THADA: variants seen among roughly 807,000 people sequenced by gnomAD.
THADA encodes THADA armadillo repeat containing, also known as tRNA (32-2'-O)-methyltransferase regulator THADA.
Under a neutral mutation model 219.8 loss-of-function variants are expected in THADA, and 213 were observed. The observed-to-expected ratio is 0.97, with a 90% CI of 0.87 to 1.09. THADA has a LOEUF of 1.09. Ranked by LOEUF, THADA falls within the 50% of genes least tolerant of loss-of-function variation. The pLI, the probability that THADA is intolerant of heterozygous loss-of-function variation, is 0.00. For missense variants in THADA, 2,956 were observed against 2,311.3 expected (o/e 1.28, Z -5.72); for synonymous variants, 1,018 against 828.9 (o/e 1.23, Z -3.92).
intron 26 of THADA, among the ~76,000 whole-genome samples, chr2:43,445,118 T>C (rs921389919): frequency 6.6e-6 from 1 of 152,122 alleles, no homozygotes; most frequent in African/African-American, 2.4e-5. Context: ...AGAAATCATC[T>C]AACGGCCTGT....
intron 36 of THADA, among the ~76,000 whole-genome samples, chr2:43,243,292 G>A (rs1169408555): frequency 1.3e-5 from 2 of 152,170 alleles, no homozygotes; most frequent in African/African-American, 2.4e-5. Context: ...ACATCTGCCC[G>A]TGTCTGGAGA....
rs757294125 is a variant in THADA, at chr2:43,574,878, A to G, written c.1187T>C (p.Val396Ala). ...CAATGGATGTTCCCAATGGGTATAG[A>G]CATATTCCAAAAGTCTCCCAACTAT... ...SSIVGRLLEY[V>A]YTHWEHPLDA... The change falls in exon 11 of 38, where the codon GTC (valine) becomes GCC (alanine). Residue 396 changes from valine (V) to alanine (A), a missense_variant. Coordinates refer to ENST00000405975, the MANE Select transcript of THADA (RefSeq NM_022065.5). The G allele has an allele frequency of 1.9e-5, 30 of 1,613,906 alleles. No individual in the cohort carries two copies. Among genetic ancestry groups the G allele is most frequent in the Non-Finnish European group, 2.4e-5 (28 of 1,179,914 alleles).
At chr2:43,329,975 T>A (rs903176093) in intron 30 of THADA, among the ~76,000 whole-genome samples, 2 of 152,182 alleles carry the variant, frequency 1.3e-5, no homozygotes, top group East Asian at 3.8e-4. Context: ...CCTCCCCTGG[T>A]CTCCTCTATT....
intron 26 of THADA, among the ~76,000 whole-genome samples, chr2:43,479,497 CACTCT>C (rs1417197055): frequency 2.0e-5 from 3 of 152,028 alleles, no homozygotes; most frequent in African/African-American, 7.2e-5. Context: ...CATAAGCACA[CACTCT>C]AGAGAAAGAG....
At chr2:43,509,801 G>A (rs189983135) in intron 22 of THADA, among the ~76,000 whole-genome samples, 1 of 152,014 alleles carries the variant, frequency 6.6e-6, no homozygotes, top group Non-Finnish European at 1.5e-5. Flanking sequence ...TTTGACATGG[G>A]CCTAAAAATA....
intron 36 of THADA, among the ~76,000 whole-genome samples, chr2:43,238,133 AAAAAAAAAAAAAAAAAAAAG>A (rs1668248050): frequency 6.9e-6 from 1 of 144,064 alleles, no homozygotes; most frequent in African/African-American, 2.5e-5. Context: ...AAAAAAAAAA[AAAAAAAAAAAAAAAAAAAAG>A]GAAGGAAAGA....
At chr2:43,396,557 T>C (rs1258628276) in intron 29 of THADA, among the ~76,000 whole-genome samples, 2 of 152,076 alleles carry the variant, frequency 1.3e-5, no homozygotes, top group African/African-American at 4.8e-5. Context: ...TCCCAGCACT[T>C]TGGGAGGCTG....
intron 28 of THADA, among the ~76,000 whole-genome samples, chr2:43,404,200 A>G (rs1675241181): frequency 6.6e-6 from 1 of 151,586 alleles, no homozygotes; most frequent in South Asian, 2.1e-4. Context: ...AAGGTATTAC[A>G]TTTTTGTTTA....
chr2:43,524,967 T>C (rs1377065319), intron 22 of THADA, among the ~76,000 whole-genome samples: 1 of 152,226 alleles, frequency 6.6e-6, no homozygotes, highest in Non-Finnish European at 1.5e-5. Context: ...GACTGCAATC[T>C]TACTATGATA....
chr2:43,338,022 A>G (rs144265319), intron 30 of THADA, among the ~76,000 whole-genome samples: 62 of 152,304 alleles, frequency 4.1e-4, no homozygotes, highest in African/African-American at 1.4e-3. Flanking sequence ...TTTCTTTTAA[A>G]TATTTTCCAT....
chr2:43,338,818 T>C (rs1666766251), intron 30 of THADA, among the ~76,000 whole-genome samples: 1 of 152,200 alleles, frequency 6.6e-6, no homozygotes, highest in African/African-American at 2.4e-5. Context: ...AATGCTGCTA[T>C]GGAAACCTCT....
chr2:43,382,237 G>A lies in THADA; in HGVS notation c.4227+15734C>T, dbSNP rs557789593. On this transcript the variant is annotated intron_variant, in intron 29 of 37. Coordinates refer to ENST00000405975, the MANE Select transcript of THADA (RefSeq NM_022065.5). ...GTGAAATCTGAATAAAACGTGTGGC[G>A]TTAACAGTAATGTACCAATTTCTTC... 1.2e-4 allele frequency among the ~76,000 whole-genome samples: 19 copies of A among 152,252 alleles called. 1 individual carries two copies. The South Asian group carries it at 3.5e-3, about 28-fold the overall frequency.
intron 16 of THADA, among the ~76,000 whole-genome samples, chr2:43,559,405 C>G (rs1305537648): frequency 6.6e-6 from 1 of 152,218 alleles, no homozygotes; most frequent in East Asian, 1.9e-4. Context: ...ACAGAATCCA[C>G]TGCATCTACA....
rs115307720 is a variant in THADA at position 43,379,707 on chromosome 2, T to C, written c.4227+18264A>G. ...CCGCTAGGTACTTACCCAACTGCTTTAAAAACTTATGTTCACATAAAAACC... is the reference window on the plus strand; with the variant it reads ...CCGCTAGGTACTTACCCAACTGCTTCAAAAACTTATGTTCACATAAAAACC... On this transcript the variant is annotated intron_variant, in intron 29 of 37. Transcript: ENST00000405975. Among the ~76,000 whole-genome samples, 335 of 152,328 alleles carry C rather than the reference T, an allele frequency of 2.2e-3. 2 individuals carry two copies. Among genetic ancestry groups the C allele is most frequent in the Middle Eastern group, 6.8e-3 (2 of 294 alleles).
At chr2:43,500,882 A>T (rs1171931634) in intron 24 of THADA, among the ~76,000 whole-genome samples, 4 of 152,234 alleles carry the variant, frequency 2.6e-5, no homozygotes, top group African/African-American at 4.8e-5. Context: ...GCTGCTGAAT[A>T]CAAGCACAAT....
chr2:43,398,363 T>C lies in THADA; in HGVS notation c.4059-224A>G, dbSNP rs1193290463. 2.0e-5 allele frequency among the ~76,000 whole-genome samples: 3 copies of C among 152,202 alleles called. No individual in the cohort carries two copies. The East Asian group carries it at 5.8e-4, about 29-fold the overall frequency. On this transcript the variant is annotated intron_variant, in intron 28 of 37. Coordinates refer to ENST00000405975, the MANE Select transcript of THADA (RefSeq NM_022065.5). ...ATCTATAATTCTTTATCATGGAGAT[T>C]AAATGTAGACAGGCTTGGGAATAAG...
intron 28 of THADA, among the ~76,000 whole-genome samples, chr2:43,402,825 C>A (rs981137900): frequency 8.5e-5 from 13 of 152,168 alleles, no homozygotes; most frequent in Non-Finnish European, 1.8e-4. Context: ...GAGTACTAGT[C>A]TAGGTGATCA....
At chr2:43,314,749 A>G (rs186486369) in intron 31 of THADA, among the ~76,000 whole-genome samples, 2 of 152,246 alleles carry the variant, frequency 1.3e-5, no homozygotes, top group East Asian at 1.9e-4. Context: ...TTTTCTTTCC[A>G]TTCCAGCAGG....
chr2:43,578,267 C>T (rs1700063854), intron 9 of THADA, among the ~76,000 whole-genome samples: 2 of 151,550 alleles, frequency 1.3e-5, no homozygotes, highest in Non-Finnish European at 2.9e-5. Flanking sequence ...CTCAACCTCT[C>T]AAAGAGCTGG....
Sources: allele counts gnomAD v4.1 joint callset (sites outside exome capture counted in the v4.1 genomes callset), GRCh38; gene constraint gnomAD v4.1.1; transcripts MANE v1.5; gene names NCBI Gene and HGNC (gene_info 2026-07-23, HGNC 2026-07-21).